The following EDA variants were observed in gnomAD, a reference collection of about 807,000 sequenced individuals.
EDA encodes the protein ectodysplasin-A.
A neutral mutation model predicts 23.6 loss-of-function variants in EDA; 2 were observed. The ratio of observed to expected loss-of-function variants is 0.08; its 90% CI spans 0.03 to 0.27. The LOEUF (loss-of-function observed/expected upper bound fraction) is 0.27, where lower values mean the gene tolerates loss of function less well. Among genes scored for constraint, EDA ranks in the 10% least tolerant of loss-of-function variants. The pLI, the probability that EDA is intolerant of heterozygous loss-of-function variation, is 1.00. For missense variants in EDA, 229 were observed against 324.2 expected (o/e 0.71, Z 2.26); for synonymous variants, 131 against 132.0 (o/e 0.99, Z 0.05).
chrX:69,959,393 G>C (rs765798429), intron 2 of EDA, among the ~76,000 whole-genome samples: 1 of 111,821 alleles, frequency 8.9e-6, no homozygotes, highest in Non-Finnish European at 1.9e-5. Flanking sequence ...GTGGTCTGTA[G>C]AACCATTTCT....
intron 1 of EDA, among the ~76,000 whole-genome samples, chrX:69,827,146 T>G (rs916270847): frequency 1.8e-5 from 2 of 111,859 alleles, no homozygotes; most frequent in Non-Finnish European, 3.8e-5. Flanking sequence ...TTTCTTTCAT[T>G]TCAACTTTGG....
intron 1 of EDA, among the ~76,000 whole-genome samples, chrX:69,678,103 GTCAGGTTTGTCAAAGA>G (rs1321324044): frequency 9.1e-6 from 1 of 109,617 alleles, no homozygotes; most frequent in Non-Finnish European, 1.9e-5. Flanking sequence ...GCTTGTTTTT[GTCAGGTTTGTCAAAGA>G]TCAGATAGTT....
intron 1 of EDA, among the ~76,000 whole-genome samples, chrX:69,777,717 G>T (rs1032052764): frequency 1.3e-4 from 14 of 111,331 alleles, no homozygotes; most frequent in African/African-American, 3.9e-4. Context: ...TGGGGAAAGA[G>T]AAGTTTTGTG....
chrX:69,813,824 A>AC (rs936237046), intron 1 of EDA, among the ~76,000 whole-genome samples: 12 of 110,708 alleles, frequency 1.1e-4, no homozygotes, highest in African/African-American at 3.6e-4. Context: ...TTTAAAAAAA[A>AC]AAAAACTCCA....
At chrX:69,789,825 C>A (rs1181189014) in intron 1 of EDA, among the ~76,000 whole-genome samples, 1 of 112,159 alleles carries the variant, frequency 8.9e-6, no homozygotes, top group Non-Finnish European at 1.9e-5. Flanking sequence ...ACTAATATAG[C>A]TTAACATTCC....
intron 1 of EDA, among the ~76,000 whole-genome samples, chrX:69,653,686 A>G (rs1210005175): frequency 3.6e-5 from 4 of 111,656 alleles, no homozygotes; most frequent in Non-Finnish European, 7.5e-5. Context: ...CCTGACAAAA[A>G]CAAGCAATGG....
At chrX:69,730,312 C>T (rs2012973716) in intron 1 of EDA, among the ~76,000 whole-genome samples, 2 of 111,776 alleles carry the variant, frequency 1.8e-5, no homozygotes, top group Non-Finnish European at 3.8e-5. Context: ...ATCAGGGAAT[C>T]CATCCTGGAG....
At chrX:69,952,436 A>G (rs2018941299) in intron 1 of EDA, among the ~76,000 whole-genome samples, 1 of 111,283 alleles carries the variant, frequency 9.0e-6, no homozygotes, top group Non-Finnish European at 1.9e-5. Flanking sequence ...ATCAGATCTC[A>G]TGAAACTTAT....
chrX:69,868,325 G>A (rs1026416670), intron 1 of EDA, among the ~76,000 whole-genome samples: 4 of 112,067 alleles, frequency 3.6e-5, no homozygotes, highest in Non-Finnish European at 5.6e-5. Flanking sequence ...ACTCAAATGA[G>A]GAATGTGTTG....
chrX:69,677,188 A>G (rs1934128817), intron 1 of EDA, among the ~76,000 whole-genome samples: 1 of 103,546 alleles, frequency 9.7e-6, no homozygotes, highest in African/African-American at 3.5e-5. Flanking sequence ...ATAGTATTCC[A>G]TGGTGTATAT....
chrX:69,952,536 C>A (rs1392796603), intron 1 of EDA, among the ~76,000 whole-genome samples: 1 of 112,092 alleles, frequency 8.9e-6, no homozygotes, highest in African/African-American at 3.2e-5. Context: ...GGGAATTAAT[C>A]ATGAGATCTG....
intron 1 of EDA, among the ~76,000 whole-genome samples, chrX:69,736,216 A>G (rs761780452): frequency 1.4e-4 from 15 of 110,365 alleles, no homozygotes; most frequent in Non-Finnish European, 2.5e-4. Flanking sequence ...GAGGCAGGAG[A>G]ATCACTTGAA....
At chrX:69,627,329 T>G (rs1932419680) in intron 1 of EDA, among the ~76,000 whole-genome samples, 1 of 111,477 alleles carries the variant, frequency 9.0e-6, no homozygotes, top group Non-Finnish European at 1.9e-5. Context: ...CTTCTTACTC[T>G]TATTCTCTCT....
intron 1 of EDA, among the ~76,000 whole-genome samples, chrX:69,677,742 A>G (rs757327848): frequency 9.0e-6 from 1 of 111,673 alleles, no homozygotes; most frequent in African/African-American, 3.3e-5. Context: ...TCAGATGAGT[A>G]GGTTGTGAAA....
intron 1 of EDA, among the ~76,000 whole-genome samples, chrX:69,916,985 G>T (rs2018356027): frequency 9.1e-6 from 1 of 110,441 alleles, no homozygotes; most frequent in Non-Finnish European, 1.9e-5. Flanking sequence ...ACCCAGGCTG[G>T]AGTATAATGG....
At chrX:69,939,086 T>C (rs1448671933) in intron 1 of EDA, among the ~76,000 whole-genome samples, 1 of 112,028 alleles carries the variant, frequency 8.9e-6, no homozygotes, top group Admixed American at 9.4e-5. Context: ...CTGGGTCTTT[T>C]GTGGTTCCAT....
chrX:69,739,200 C>T (rs1327814557), intron 1 of EDA, among the ~76,000 whole-genome samples: 1 of 110,949 alleles, frequency 9.0e-6, no homozygotes, highest in Non-Finnish European at 1.9e-5. Flanking sequence ...ATTGTTATGT[C>T]TTCCTAATGG....
At chrX:69,716,804 A>G (rs186536145) in intron 1 of EDA, among the ~76,000 whole-genome samples, 7 of 111,109 alleles carry the variant, frequency 6.3e-5, no homozygotes, top group Admixed American at 1.9e-4. Flanking sequence ...CTGTATTCCT[A>G]GGTATTTTAT....
chrX:69,714,691 A>G (rs755478833), intron 1 of EDA, among the ~76,000 whole-genome samples: 9 of 111,647 alleles, frequency 8.1e-5, no homozygotes, highest in East Asian at 2.8e-4. Flanking sequence ...GACTTTAGTC[A>G]TGCATATTTA....
Sources: allele counts gnomAD v4.1 joint callset (sites outside exome capture counted in the v4.1 genomes callset), GRCh38; gene constraint gnomAD v4.1.1; transcripts MANE v1.5; gene names NCBI Gene and HGNC (gene_info 2026-07-23, HGNC 2026-07-21).